Variants in SMARCA2 observed in about 807,000 individuals in gnomAD.
The protein encoded by SMARCA2 is SWI/SNF-related matrix-associated actin-dependent regulator of chromatin subfamily A member 2.
Under a neutral mutation model 199.8 loss-of-function variants are expected in SMARCA2, and 61 were observed. The observed-to-expected ratio is 0.31, with a 90% confidence interval of 0.25 to 0.38. The LOEUF (loss-of-function observed/expected upper bound fraction) is 0.38. Ranked by LOEUF, SMARCA2 falls within the 10% of genes least tolerant of loss-of-function variation. SMARCA2 has a pLI of 1.00. For missense variants in SMARCA2, 1,344 were observed against 2,012.2 expected, an observed-to-expected ratio of 0.67 and a Z score of 6.35; for synonymous variants, 935 against 732.0, an observed-to-expected ratio of 1.28 and a Z score of -4.48.
At chr9:2,144,488 G>A (rs112376359) in intron 27 of SMARCA2, among the ~76,000 whole-genome samples, 4,962 of 152,188 alleles carry the variant, frequency 0.033, 83 homozygotes, top group Non-Finnish European at 0.045. Context: ...TCTGAGTCCC[G>A]ACAAGGTCAT....
intron 5 of SMARCA2, among the ~76,000 whole-genome samples, chr9:2,054,382 C>T (rs1307969200): frequency 2.0e-5 from 3 of 152,182 alleles, no homozygotes; most frequent in African/African-American, 7.2e-5. Context: ...GAGGAAGCCA[C>T]ATTGTTAAGT....
chr9:2,151,859 A>G (rs921336452), intron 27 of SMARCA2, among the ~76,000 whole-genome samples: 1 of 152,266 alleles, frequency 6.6e-6, no homozygotes, highest in Non-Finnish European at 1.5e-5. Context: ...ACAGAAAACC[A>G]CTTATGATTG....
Position 2,017,046 on chromosome 9 carries a change from T to A in SMARCA2, c.-37+1642T>A, listed in dbSNP as rs144696437. On this transcript the variant is annotated intron_variant, in intron 1 of 33. Coordinates refer to ENST00000349721, the MANE Select transcript of SMARCA2 (RefSeq NM_003070.5). The surrounding 1 kb of genome is among the most constrained non-coding windows in gnomAD (Gnocchi z 8.8). ...GAGGGCGGGGCGCGGCAGTGCGGGC[T>A]CCGGCGGACACCCGCGCCTTGGCCG... 7.3e-3 allele frequency: 1,104 copies of A among 152,264 alleles called. 10 individuals are homozygous for A. Among genetic ancestry groups the A allele is most frequent in the African/African-American group, 0.025 (1,038 of 41,514 alleles). 9.4% of individuals were successfully genotyped at this position (152,264 alleles called of 1,614,324 possible).
chr9:2,100,589 C>T (rs1438532429), intron 21 of SMARCA2, among the ~76,000 whole-genome samples: 2 of 151,924 alleles, frequency 1.3e-5, no homozygotes, highest in Non-Finnish European at 2.9e-5. Flanking sequence ...GTAGTCCCAG[C>T]TATTCAGGAG....
rs1818356921 is a variant in SMARCA2, at chr9:2,016,445, CG to C, written c.-37+1042del. 6.6e-6 allele frequency: 1 copy of C among 152,480 alleles called. No individual in the cohort carries two copies. Among genetic ancestry groups the C allele is most frequent in the African/African-American group, 2.4e-5 (1 of 41,456 alleles). The allele number at this position is 152,480 out of a possible 1,614,324, so 9.4% of individuals were successfully genotyped here. ...CCCGGGTCCGTGTTCTTTTGCTTCG[CG>C]TCTTCCCCTTGCTTGCGCCGCGGGA... On this transcript the variant is annotated intron_variant, in intron 1 of 33. Coordinates refer to ENST00000349721, the MANE Select transcript of SMARCA2 (RefSeq NM_003070.5). This position sits in a 1 kb window ranked among gnomAD's most constrained non-coding sequence, Gnocchi z 5.6.
At chr9:2,091,553 A>G (rs1179099876) in intron 19 of SMARCA2, among the ~76,000 whole-genome samples, 1 of 149,156 alleles carries the variant, frequency 6.7e-6, no homozygotes, top group African/African-American at 2.5e-5. Flanking sequence ...TAGAGCTGCT[A>G]TAAACTTTTC....
At chr9:2,143,347 A>G (rs1424444352) in intron 27 of SMARCA2, among the ~76,000 whole-genome samples, 1 of 152,230 alleles carries the variant, frequency 6.6e-6, no homozygotes, top group African/African-American at 2.4e-5. Flanking sequence ...GCTATGCATG[A>G]CCAAAGAATC....
intron 31 of SMARCA2, 83 bp from the exon 32 acceptor site, chr9:2,186,013 A>G (rs1827422846): frequency 1.5e-6 from 2 of 1,295,372 alleles, no homozygotes; most frequent in African/African-American, 3.0e-5. Flanking sequence ...CATGTGAATT[A>G]AGCTGGTGTA....
intron 25 of SMARCA2, among the ~76,000 whole-genome samples, chr9:2,116,454 C>T (rs1053049814): frequency 1.3e-5 from 2 of 152,180 alleles, no homozygotes; most frequent in Admixed American, 1.3e-4. Flanking sequence ...CTCTCTTTTG[C>T]CTTTTGATCA....
intron 22 of SMARCA2, among the ~76,000 whole-genome samples, chr9:2,102,132 AGTGTGTGT>A (rs71327397): frequency 0.024 from 3,513 of 148,096 alleles, 143 homozygotes; most frequent in African/African-American, 0.081. Flanking sequence ...ATTAACAGAA[AGTGTGTGT>A]GTGTGTGTGT....
intron 29 of SMARCA2, among the ~76,000 whole-genome samples, chr9:2,177,517 A>AAATC (rs1371024518): frequency 6.6e-6 from 1 of 152,172 alleles, no homozygotes; most frequent in Non-Finnish European, 1.5e-5. Context: ...CTGGAAAAAA[A>AAATC]AATCATTAAA....
intron 29 of SMARCA2, among the ~76,000 whole-genome samples, chr9:2,179,342 C>A (rs539031547): frequency 3.3e-5 from 5 of 152,310 alleles, no homozygotes; most frequent in African/African-American, 1.2e-4. Flanking sequence ...CCATAGATAA[C>A]TTCCAGGTCC....
intron 1 of SMARCA2, among the ~76,000 whole-genome samples, chr9:2,025,091 G>T (rs960200004): frequency 7.1e-6 from 1 of 140,370 alleles, no homozygotes; most frequent in Non-Finnish European, 1.5e-5. Context: ...GGGCAGAGGA[G>T]ATTTGGGCTG....
chr9:2,118,714 T>C (rs1823324388), intron 25 of SMARCA2, among the ~76,000 whole-genome samples: 2 of 152,224 alleles, frequency 1.3e-5, no homozygotes, highest in African/African-American at 2.4e-5. Flanking sequence ...AACTGTTGGT[T>C]TCTGAGGAAT....
chr9:2,057,305 C>T (rs977885495), intron 7 of SMARCA2, among the ~76,000 whole-genome samples: 2 of 152,218 alleles, frequency 1.3e-5, no homozygotes, highest in East Asian at 3.8e-4. Flanking sequence ...GCTCTCCGGG[C>T]TTCCTTTATA....
At chr9:2,154,918 T>G (rs1229379218) in intron 27 of SMARCA2, among the ~76,000 whole-genome samples, 1 of 152,196 alleles carries the variant, frequency 6.6e-6, no homozygotes, top group African/African-American at 2.4e-5. Context: ...AGTTCCTGAC[T>G]GTGTTAAGAG....
chr9:2,051,688 A>C (rs1820125426), intron 5 of SMARCA2, among the ~76,000 whole-genome samples: 1 of 152,254 alleles, frequency 6.6e-6, no homozygotes, highest in South Asian at 2.1e-4. Flanking sequence ...TATTCAAATA[A>C]GAAAGATCTG....
At chr9:2,073,730 C>T (rs1210890431) in intron 12 of SMARCA2, 107 bp downstream of exon 12, 1 of 794,874 alleles carries the variant, frequency 1.3e-6, no homozygotes, top group African/African-American at 1.7e-5. Context: ...ATTTCTTCCT[C>T]CAGGATTGGC....
At chr9:2,047,840 A>G (rs913651794) in intron 5 of SMARCA2, 1 of 160,468 alleles carries the variant, frequency 6.2e-6, no homozygotes, top group Non-Finnish European at 1.4e-5. Flanking sequence ...TTTCTACTAA[A>G]GCATCCTTCG....
Sources: allele counts gnomAD v4.1 joint callset (sites outside exome capture counted in the v4.1 genomes callset), GRCh38; gene constraint gnomAD v4.1.1; non-coding constraint Gnocchi (gnomAD v3.1); transcripts MANE v1.5; gene names NCBI Gene and HGNC (gene_info 2026-07-23, HGNC 2026-07-21).